The following SETBP1 variants were observed in gnomAD, a reference collection of about 807,000 sequenced individuals.
The protein encoded by SETBP1 is SET binding protein 1, also known as SET-binding protein.
Under a neutral mutation model 101.0 loss-of-function variants are expected in SETBP1, and 9 were observed. The ratio of observed to expected loss-of-function variants is 0.09; its 90% CI spans 0.05 to 0.16. The LOEUF (loss-of-function observed/expected upper bound fraction) is 0.16, where lower values mean the gene tolerates loss of function less well. Among genes scored for constraint, SETBP1 ranks in the 10% least tolerant of loss-of-function variants. The pLI is 1.00. For missense variants in SETBP1, 1,858 were observed against 2,033.8 expected, an observed-to-expected ratio of 0.91 and a Z score of 1.66; for synonymous variants, 818 against 788.5, an observed-to-expected ratio of 1.04 and a Z score of -0.63.
intron 3 of SETBP1, among the ~76,000 whole-genome samples, chr18:44,939,315 A>G (rs1330766847): frequency 1.3e-5 from 2 of 151,974 alleles, no homozygotes; most frequent in Admixed American, 6.6e-5. Context: ...GTTTTGCCTG[A>G]TCTACACCTT....
intron 2 of SETBP1, among the ~76,000 whole-genome samples, chr18:44,839,472 C>CGA (rs2072571866): frequency 1.8e-5 from 1 of 56,754 alleles, no homozygotes; most frequent in Non-Finnish European, 3.6e-5. Flanking sequence ...TTGAGCATCT[C>CGA]CGGACTCTCA....
At chr18:45,059,299 A>G (rs977315713) in intron 5 of SETBP1, among the ~76,000 whole-genome samples, 3 of 152,222 alleles carry the variant, frequency 2.0e-5, no homozygotes, top group Non-Finnish European at 4.4e-5. Context: ...GCATTTCTAA[A>G]AGATAGGTAC....
intron 3 of SETBP1, among the ~76,000 whole-genome samples, chr18:44,934,114 C>T (rs1279563076): frequency 1.3e-5 from 2 of 151,774 alleles, no homozygotes; most frequent in East Asian, 3.9e-4. Flanking sequence ...ATTCTTAACA[C>T]AACCCCATCA....
chr18:44,764,331 A>G (rs1326512214), intron 2 of SETBP1, among the ~76,000 whole-genome samples: 2 of 152,178 alleles, frequency 1.3e-5, no homozygotes, highest in South Asian at 2.1e-4. Context: ...TTATGTATCC[A>G]TTCGTTATCC....
intron 4 of SETBP1, among the ~76,000 whole-genome samples, chr18:45,024,284 G>T (rs1477229336): frequency 6.6e-6 from 1 of 152,026 alleles, no homozygotes; most frequent in Non-Finnish European, 1.5e-5. Context: ...TGCCAGTTCA[G>T]AATCAAAAAA....
chr18:44,740,781 G>T (rs1424371582), intron 2 of SETBP1, among the ~76,000 whole-genome samples: 1 of 152,172 alleles, frequency 6.6e-6, no homozygotes, highest in African/African-American at 2.4e-5. Context: ...AGTACAAGTT[G>T]TTTGATCCAT....
At chr18:44,755,555 A>C (rs1040729137) in intron 2 of SETBP1, among the ~76,000 whole-genome samples, 2 of 151,276 alleles carry the variant, frequency 1.3e-5, no homozygotes, top group African/African-American at 4.9e-5. Context: ...TGGAACTTAC[A>C]GCAGCCTCCT....
intron 2 of SETBP1, among the ~76,000 whole-genome samples, chr18:44,715,302 G>A (rs2069438684): frequency 6.6e-6 from 1 of 152,026 alleles, no homozygotes; most frequent in Non-Finnish European, 1.5e-5. Context: ...ACACTGGGCA[G>A]GTCACAGCGG....
intron 2 of SETBP1, among the ~76,000 whole-genome samples, chr18:44,716,340 C>CAA (rs199903373): frequency 2.0e-5 from 3 of 151,456 alleles, no homozygotes; most frequent in African/African-American, 7.3e-5. Flanking sequence ...CAAAACAAAA[C>CAA]AAAAAAAATA....
At chr18:44,970,682 G>C (rs1464935888) in intron 4 of SETBP1, among the ~76,000 whole-genome samples, 1 of 151,858 alleles carries the variant, frequency 6.6e-6, no homozygotes, top group Admixed American at 6.6e-5. Context: ...CTTCCAAGTA[G>C]CTGGGATTAC....
chr18:44,901,982 CT>C (rs1459504720), intron 3 of SETBP1, among the ~76,000 whole-genome samples: 1 of 151,966 alleles, frequency 6.6e-6, no homozygotes, highest in African/African-American at 2.4e-5. Context: ...TTCTGCCTAT[CT>C]AGGCTCATGT....
Position 45,063,683 on chromosome 18 carries a change from C to G in SETBP1, c.4776C>G (p.Ser1592Arg), listed in dbSNP as rs775135172. Reference protein sequence around the residue: ...KRQRKSRGSESEVLP With the variant: ...KRQRKSRGSEREVLP ...AGAGGAAGTCCCGAGGGAGTGAGAGCGAGGTCCTTCCCTAGGGCGGGTCTG... is the reference window on the plus strand; with the variant it reads ...AGAGGAAGTCCCGAGGGAGTGAGAGGGAGGTCCTTCCCTAGGGCGGGTCTG... Residue 1592 changes from serine (S) to arginine (R), a missense_variant, in exon 6 of 6, where the codon AGC becomes AGG. Physicochemically the swap from Ser to Arg is moderately radical, Grantham distance 110. Transcript: ENST00000649279. 1 of 1,607,988 alleles carries G rather than the reference C, an allele frequency of 6.2e-7. No homozygotes were observed. The highest frequency in any genetic ancestry group is 8.5e-7 in the Non-Finnish European group (1 of 1,177,654).
At chr18:44,697,674 A>G (rs1048911433) in intron 1 of SETBP1, among the ~76,000 whole-genome samples, 11 of 152,244 alleles carry the variant, frequency 7.2e-5, no homozygotes, top group African/African-American at 2.7e-4. Context: ...TTAGAGAAAT[A>G]AGATTTATAT....
At chr18:45,026,478 A>G (rs191641304) in intron 4 of SETBP1, among the ~76,000 whole-genome samples, 27 of 152,054 alleles carry the variant, frequency 1.8e-4, no homozygotes, top group African/African-American at 6.0e-4. Flanking sequence ...CCCTTAACCT[A>G]CCTTGATTTT....
intron 2 of SETBP1, among the ~76,000 whole-genome samples, chr18:44,868,275 A>G (rs1460014805): frequency 6.6e-6 from 1 of 152,248 alleles, no homozygotes; most frequent in Admixed American, 6.5e-5. Context: ...CTAATAGTGT[A>G]TAAAATCCTA....
chr18:44,867,188 A>G (rs2069147898), intron 2 of SETBP1, among the ~76,000 whole-genome samples: 3 of 152,206 alleles, frequency 2.0e-5, no homozygotes, highest in African/African-American at 7.2e-5. Flanking sequence ...AAAAATGAAA[A>G]ATTACATAAA....
intron 3 of SETBP1, among the ~76,000 whole-genome samples, chr18:44,882,818 G>C (rs999347989): frequency 6.6e-6 from 1 of 152,018 alleles, no homozygotes; most frequent in Non-Finnish European, 1.5e-5. Flanking sequence ...TCTAGGCGGG[G>C]GTGTGTGTGT....
chr18:44,890,327 G>T (rs960914127), intron 3 of SETBP1, among the ~76,000 whole-genome samples: 3 of 152,060 alleles, frequency 2.0e-5, no homozygotes, highest in Admixed American at 1.3e-4. Flanking sequence ...GTGAAAAGCA[G>T]GACAAGAACG....
intron 4 of SETBP1, among the ~76,000 whole-genome samples, chr18:45,020,946 G>A (rs1384713801): frequency 2.0e-5 from 3 of 152,070 alleles, no homozygotes; most frequent in South Asian, 2.1e-4. Context: ...TTTCTATAGC[G>A]GTCAGAAATT....
Sources: gnomAD v4.1 joint callset for allele counts (sites outside exome capture counted in the v4.1 genomes callset) on GRCh38, gnomAD v4.1.1 for gene constraint, MANE v1.5 for transcripts, NCBI Gene and HGNC (gene_info 2026-07-23, HGNC 2026-07-21) for gene names.